FAM228B: variants seen among roughly 807,000 people sequenced by gnomAD.
The protein encoded by FAM228B is protein FAM228B.
A neutral mutation model predicts 42.6 loss-of-function variants in FAM228B; 38 were observed. The observed-to-expected ratio is 0.89, with a 90% confidence interval of 0.69 to 1.17. FAM228B has a LOEUF of 1.17. Among genes scored for constraint, FAM228B ranks in the 50% most tolerant of loss-of-function variants. FAM228B has a pLI of 0.00. For synonymous variants in FAM228B, 109 were observed against 122.3 expected (o/e 0.89, Z 0.72); for missense variants, 344 against 367.3 (o/e 0.94, Z 0.52).
At chr2:24,117,736 T>C (rs912295842) in intron 3 of FAM228B, among the ~76,000 whole-genome samples, 2 of 152,166 alleles carry the variant, frequency 1.3e-5, no homozygotes, top group African/African-American at 2.4e-5. Context: ...AGCCACCCCA[T>C]CTGGCCTGTA....
intron 3 of FAM228B, among the ~76,000 whole-genome samples, chr2:24,112,255 G>A (rs1202315801): frequency 2.7e-5 from 4 of 149,474 alleles, no homozygotes; most frequent in African/African-American, 9.8e-5. Flanking sequence ...CATCAAAAGA[G>A]ACCTGAAGAA....
intron 3 of FAM228B, among the ~76,000 whole-genome samples, chr2:24,135,993 T>G (rs1666575779): frequency 6.6e-6 from 1 of 150,846 alleles, no homozygotes; most frequent in Non-Finnish European, 1.5e-5. Flanking sequence ...TTTTTTTTTT[T>G]TCCATAGAAT....
At chr2:24,082,996 C>G in intron 2 of FAM228B, 2 of 1,614,158 alleles carry the variant, frequency 1.2e-6, no homozygotes, top group Non-Finnish European at 1.7e-6. Context: ...GGGACAGTGA[C>G]GTACTGAGCC....
intron 3 of FAM228B, chr2:24,115,496 G>GT (rs1665884343): frequency 8.9e-6 from 11 of 1,238,820 alleles, no homozygotes; most frequent in Non-Finnish European, 1.3e-5. Context: ...TCTGTCTAGT[G>GT]TTTTTTCAAC....
At chr2:24,125,934 C>G (rs138570985) in intron 2 of FAM228B, among the ~76,000 whole-genome samples, 36 of 152,316 alleles carry the variant, frequency 2.4e-4, no homozygotes, top group Non-Finnish European at 4.6e-4. Flanking sequence ...GTATATATTT[C>G]TTTTCCTTCT....
chr2:24,094,941 A>G (rs1167491120), intron 2 of FAM228B, among the ~76,000 whole-genome samples: 2 of 152,024 alleles, frequency 1.3e-5, no homozygotes, highest in Non-Finnish European at 2.9e-5. Context: ...AAAAATACCA[A>G]AAAAATTAGC....
At chr2:24,153,484 C>T (rs909654024) in intron 7 of FAM228B, among the ~76,000 whole-genome samples, 13 of 152,186 alleles carry the variant, frequency 8.5e-5, no homozygotes, top group Admixed American at 5.2e-4. Flanking sequence ...CTAGAAATGT[C>T]GTCCCAAAGC....
At chr2:24,158,280 G>A (rs1667205827) in intron 7 of FAM228B, among the ~76,000 whole-genome samples, 1 of 132,250 alleles carries the variant, frequency 7.6e-6, no homozygotes, top group Non-Finnish European at 1.5e-5. Flanking sequence ...AGTCATTCCA[G>A]GTGGTCACCT....
chr2:24,110,390 G>C (rs1665769711), intron 3 of FAM228B, among the ~76,000 whole-genome samples: 1 of 152,178 alleles, frequency 6.6e-6, no homozygotes, highest in Non-Finnish European at 1.5e-5. Flanking sequence ...CTGGTCACCA[G>C]AAGAACCAAC....
chr2:24,082,767 C>T, intron 2 of FAM228B: 1 of 1,338,640 alleles, frequency 7.5e-7, no homozygotes, highest in South Asian at 1.5e-5. Flanking sequence ...GAGGACCTGA[C>T]AATACAGGTG....
chr2:24,165,202 C>A (rs1045393026), intron 9 of FAM228B, among the ~76,000 whole-genome samples: 95 of 152,192 alleles, frequency 6.2e-4, no homozygotes, highest in African/African-American at 2.3e-3. Context: ...TCTCAAGCAG[C>A]GGGGCATAAA....
At chr2:24,116,577 G>A (rs1272678828) in intron 3 of FAM228B, among the ~76,000 whole-genome samples, 1 of 151,756 alleles carries the variant, frequency 6.6e-6, no homozygotes, top group Non-Finnish European at 1.5e-5. Flanking sequence ...GGACCTGGCC[G>A]GGTGCAGTGG....
At chr2:24,082,187 G>C (rs1665036957) in intron 2 of FAM228B, among the ~76,000 whole-genome samples, 1 of 152,114 alleles carries the variant, frequency 6.6e-6, no homozygotes, top group South Asian at 2.1e-4. Context: ...GTAGAAACAG[G>C]GTTTCGCCAT....
At chr2:24,131,718 G>A (rs1666457883) in intron 2 of FAM228B, among the ~76,000 whole-genome samples, 1 of 152,204 alleles carries the variant, frequency 6.6e-6, no homozygotes, top group African/African-American at 2.4e-5. Context: ...ATCAGCTTCA[G>A]GAGCTTTTGG....
Position 24,092,924 on chromosome 2 carries a change from GCACACACACA to G in FAM228B, c.-209-2183_-209-2174del, listed in dbSNP as rs3030954. On this transcript the variant is annotated intron_variant, in intron 2 of 10. Transcript: ENST00000613899. Reference sequence around the variant, plus strand: ...CCCATACACATATACATGATTTTATGCACACACACACACACACACACACACACACACACAC... The same window carrying G: ...CCCATACACATATACATGATTTTATGCACACACACACACACACACACACAC... Among the ~76,000 whole-genome samples the G allele has an allele frequency of 3.0e-4, 40 of 133,516 alleles. No homozygotes were observed. In the South Asian group the frequency reaches 4.8e-3, roughly 16 times the overall value. 87.6% of individuals were successfully genotyped at this position (133,516 alleles called of 152,430 possible).
At position 24,167,641 on chromosome 2, in the gene FAM228B, G is replaced by C. The variant is rs549465815; in HGVS notation, c.947G>C (p.Arg316Pro). ...CTTCATTTAAGGTCTCCCTCCCCGCGTTTGGGGCTGCTGAAGCTGGAGCTA... is the reference window on the plus strand; with the variant it reads ...CTTCATTTAAGGTCTCCCTCCCCGCCTTTGGGGCTGCTGAAGCTGGAGCTA... ...EEDQDGSPSP[R>P]LGLLKLEL Residue 316 changes from arginine (R) to proline (P), a missense_variant, in exon 10 of 11, where the codon CGT (arginine) becomes CCT (proline). By Grantham distance (103) the Arg-to-Pro change is moderately radical. Coordinates refer to ENST00000615575, the MANE Select transcript of FAM228B (RefSeq NM_001145710.2). 9 of 1,551,640 alleles carry C rather than the reference G, an allele frequency of 5.8e-6. No homozygotes were observed. In the African/African-American group the frequency reaches 1.2e-4, roughly 21 times the overall value.
At chr2:24,114,584 A>G (rs1399537837) in intron 3 of FAM228B, among the ~76,000 whole-genome samples, 1 of 152,168 alleles carries the variant, frequency 6.6e-6, no homozygotes, top group African/African-American at 2.4e-5. Flanking sequence ...TGTTAGTCCA[A>G]TCTAGCTGAA....
Position 24,095,220 on chromosome 2 carries a change from T to G in FAM228B, c.-130T>G, listed in dbSNP as rs1665473177. On this transcript the variant is annotated 5_prime_UTR_variant, in exon 3 of 11. Transcript: ENST00000613899. This position sits in a 1 kb window ranked among gnomAD's most constrained non-coding sequence, Gnocchi z 4.8. ...GCAGAAGACAGGTGATTTCTGCATT[T>G]CCGACTGAGGTAACTGATTCATCTC... 6.6e-6 allele frequency: 1 copy of G among 152,556 alleles called. No individual in the cohort carries two copies. Among genetic ancestry groups the G allele is most frequent in the South Asian group, 2.1e-4 (1 of 4,830 alleles). The allele number at this position is 152,556 out of a possible 1,614,324, so 9.5% of individuals were successfully genotyped here.
At chr2:24,155,531 A>ATATATATATATATTTTTT (rs1558393367) in intron 7 of FAM228B, among the ~76,000 whole-genome samples, 1 of 13,038 alleles carries the variant, frequency 7.7e-5, no homozygotes, top group African/African-American at 2.2e-4. Context: ...ATATATATAT[A>ATATATATATATATTTTTT]TTTTTTTTTT....
Sources: gnomAD v4.1 joint callset for allele counts (sites outside exome capture counted in the v4.1 genomes callset) on GRCh38, gnomAD v4.1.1 for gene constraint, Gnocchi (gnomAD v3.1) non-coding constraint, MANE v1.5 for transcripts, NCBI Gene and HGNC (gene_info 2026-07-23, HGNC 2026-07-21) for gene names.